IST1: variants seen among roughly 807,000 people sequenced by gnomAD.
IST1 encodes IST1 factor associated with ESCRT-III.
Under a neutral mutation model 37.0 loss-of-function variants are expected in IST1, and 23 were observed. The observed-to-expected ratio is 0.62, with a 90% CI of 0.45 to 0.88. The LOEUF (loss-of-function observed/expected upper bound fraction) is 0.88, where lower values mean the gene tolerates loss of function less well. Among genes scored for constraint, IST1 ranks in the 40% least tolerant of loss-of-function variants. The probability of loss-of-function intolerance (pLI) is 0.00; values close to 1 mark genes in which losing one functional copy is unlikely to be tolerated. For missense variants in IST1, 488 were observed against 445.4 expected, an observed-to-expected ratio of 1.10 and a Z score of -0.86; for synonymous variants, 180 against 161.7, an observed-to-expected ratio of 1.11 and a Z score of -0.86.
intron 1 of IST1, among the ~76,000 whole-genome samples, chr16:71,914,543 A>T (rs972931579): frequency 1.3e-5 from 2 of 152,172 alleles, no homozygotes; most frequent in African/African-American, 4.8e-5. Flanking sequence ...TATTGCATGG[A>T]TTGAACATAA....
rs937193766 is a variant in IST1 at position 71,930,628 on chromosome 16, G to A, written c.*2815G>A. On this transcript the variant is annotated 3_prime_UTR_variant, in exon 10 of 10. Coordinates refer to ENST00000378799, the MANE Select transcript of IST1 (RefSeq NM_001270975.2). ...GCATTCCAATAAAAGTTAACAGGTT[G>A]GCCACAGAAAACTGGCTTTTTAGTA... 1 of 152,310 alleles carries A rather than the reference G, an allele frequency of 6.6e-6. No individual in the cohort carries two copies. The highest frequency in any genetic ancestry group is 1.5e-5 in the Non-Finnish European group (1 of 68,374). The allele number at this position is 152,310 out of a possible 1,614,324, so 9.4% of individuals were successfully genotyped here.
chr16:71,930,205 T>G lies in IST1; in HGVS notation c.*2392T>G, dbSNP rs761441538. The G allele has an allele frequency of 2.1e-5, 32 of 1,525,026 alleles. No homozygotes were observed. The South Asian group carries it at 3.9e-4, about 19-fold the overall frequency. 94.5% of individuals were successfully genotyped at this position (1,525,026 alleles called of 1,614,324 possible). Reference sequence around the variant, plus strand: ...AAACCTGGGAAAACAATAAGAACACTTGCAGTGACTGACAATTTAGTTTAT... The same window carrying G: ...AAACCTGGGAAAACAATAAGAACACGTGCAGTGACTGACAATTTAGTTTAT... On this transcript the variant is annotated 3_prime_UTR_variant, in exon 10 of 10. Transcript: ENST00000378799.
At chr16:71,921,248 A>T (rs934316045) in intron 5 of IST1, 95 bp from the exon 6 acceptor site, 5 of 757,298 alleles carry the variant, frequency 6.6e-6, no homozygotes, top group Non-Finnish European at 1.2e-5. Context: ...CCTCAATATT[A>T]CCTGTAAAAT....
In IST1 at chr16:71,927,635, C is replaced by T; in HGVS notation, c.923C>T (p.Ala308Val). ...QIVGPGPKPE[A>V]SAKLPSRPAD... ...TTAGGTCCTGGACCCAAGCCAGAAG[C>T]CTCTGCAAAGCTTCCTTCCAGACCT... Residue 308 changes from alanine to valine, a missense_variant, in exon 10 of 10, where the codon GCC (alanine) becomes GTC (valine). Ala to Val is a moderately conservative substitution (Grantham distance 64). This residue lies in a region of IST1 where 455 missense variants were observed against 386.2 expected (regional missense o/e 1.18). Transcript: ENST00000378799. 1 of 1,613,840 alleles carries T rather than the reference C, an allele frequency of 6.2e-7. No homozygotes were observed. Among genetic ancestry groups the T allele is most frequent in the Non-Finnish European group, 8.5e-7 (1 of 1,179,766 alleles).
intron 1 of IST1, 31 bp from the exon 2 acceptor site, chr16:71,915,595 A>G: frequency 6.6e-7 from 1 of 1,505,502 alleles, no homozygotes; most frequent in Non-Finnish European, 9.1e-7. Flanking sequence ...TGTTGACTTG[A>G]AAATAGTCAT....
rs1316420318 is a variant in IST1 at position 71,898,410 on chromosome 16, A to G, written c.-16+2821A>G. On this transcript the variant is annotated intron_variant, in intron 1 of 9. Coordinates refer to ENST00000378799, the MANE Select transcript of IST1 (RefSeq NM_001270975.2). Reference sequence around the variant, plus strand: ...AAAAGAAACTCTCTTGGTGCGGGGCACTGTGGCTCATGCCTGTAATCCCAG... The same window carrying G: ...AAAAGAAACTCTCTTGGTGCGGGGCGCTGTGGCTCATGCCTGTAATCCCAG... 2.0e-5 allele frequency among the ~76,000 whole-genome samples: 3 copies of G among 148,960 alleles called. No homozygotes were observed. In the East Asian group the frequency reaches 6.0e-4, roughly 30 times the overall value.
intron 4 of IST1, among the ~76,000 whole-genome samples, chr16:71,918,652 G>T (rs758108277): frequency 6.6e-6 from 1 of 152,052 alleles, no homozygotes; most frequent in Non-Finnish European, 1.5e-5. Context: ...TCCTGACCTC[G>T]TGATCCGCCT....
chr16:71,909,760 T>G (rs1016966116), intron 1 of IST1, among the ~76,000 whole-genome samples: 1 of 152,218 alleles, frequency 6.6e-6, no homozygotes, highest in East Asian at 1.9e-4. Flanking sequence ...ACGCCTTAGG[T>G]TATCCTTCTC....
At chr16:71,926,703 A>T (rs895781368) in intron 9 of IST1, among the ~76,000 whole-genome samples, 1 of 152,168 alleles carries the variant, frequency 6.6e-6, no homozygotes, top group East Asian at 1.9e-4. Context: ...AAGGTATACA[A>T]CATTACTCTT....
upstream of IST1, chr16:71,894,735 T>A: frequency 1.7e-6 from 1 of 601,904 alleles, no homozygotes; most frequent in South Asian, 2.1e-5. Flanking sequence ...GCGGTTTCAC[T>A]ATGGTGTCCA....
intron 4 of IST1, among the ~76,000 whole-genome samples, chr16:71,918,441 G>T (rs2037512057): frequency 6.9e-6 from 1 of 145,722 alleles, no homozygotes. Flanking sequence ...TTTTGAGATG[G>T]AGTCTTGCAG....
rs1420651052 is a variant in IST1, at chr16:71,924,790, A to G, written c.874A>G (p.Lys292Glu). ...TCAGGTAGATGACATTAATGCTGAT[A>G]AGAATATCTCTTCTGCACAGATTGT... ...YESVDDINAD[K>E]NISSAQIVGP... The change falls in exon 9 of 10, where the codon AAG becomes GAG. Residue 292 changes from lysine (K) to glutamate (E), a missense_variant. Lys to Glu is a moderately conservative substitution (Grantham distance 56). Around this residue, in one of 2 missense-constraint regions of IST1, gnomAD observed 455 missense variants for 386.2 expected, o/e 1.18. Transcript: ENST00000378799. The G allele has an allele frequency of 1.2e-6, 2 of 1,610,400 alleles. No individual in the cohort carries two copies. Among genetic ancestry groups the G allele is most frequent in the Non-Finnish European group, 1.7e-6 (2 of 1,176,554 alleles).
intron 1 of IST1, chr16:71,903,477 A>G (rs1459344522): frequency 6.6e-6 from 1 of 152,146 alleles, no homozygotes; most frequent in African/African-American, 2.4e-5. Context: ...AAATGTTAAG[A>G]GATTTTCTGT....
intron 1 of IST1, among the ~76,000 whole-genome samples, chr16:71,911,652 T>C (rs920785855): frequency 7.2e-5 from 11 of 152,142 alleles, no homozygotes; most frequent in Admixed American, 6.5e-4. Context: ...TCATTGTATG[T>C]TCCCCTCTGT....
chr16:71,912,472 C>T lies in IST1; in HGVS notation c.-15-3154C>T, dbSNP rs563074368. On this transcript the variant is annotated intron_variant, in intron 1 of 9. Coordinates refer to ENST00000378799, the MANE Select transcript of IST1 (RefSeq NM_001270975.2). ...CAGGATGGTCTCGATCTCCTGACTT[C>T]GTGATCTGCCCACCTCGGCCTCCCA... Among the ~76,000 whole-genome samples, 15 of 152,100 alleles carry T rather than the reference C, an allele frequency of 9.9e-5. 1 individual carries two copies. Among genetic ancestry groups the T allele is most frequent in the South Asian group, 2.1e-4 (1 of 4,818 alleles).
intron 8 of IST1, 43 bp from the exon 9 acceptor site, chr16:71,924,726 G>T: frequency 6.8e-7 from 1 of 1,468,872 alleles, no homozygotes; most frequent in South Asian, 1.1e-5. Flanking sequence ...TTTCTCCAGT[G>T]ACACTATTGC....
rs1287548034 is a variant in IST1 at position 71,929,330 on chromosome 16, G to A, written c.*1517G>A. The A allele has an allele frequency of 2.2e-6, 1 of 454,362 alleles. No individual in the cohort carries two copies. The highest frequency in any genetic ancestry group is 3.8e-6 in the Non-Finnish European group (1 of 264,414). 28.1% of individuals were successfully genotyped at this position (454,362 alleles called of 1,614,324 possible). A position where few individuals can be genotyped will look rare whatever the true frequency, so the allele number is the denominator to read the frequency against. On this transcript the variant is annotated 3_prime_UTR_variant, in exon 10 of 10. Coordinates refer to ENST00000378799, the MANE Select transcript of IST1 (RefSeq NM_001270975.2). The stretch of plus-strand genomic sequence containing the variant: ...TGGTGAGTTCTGTTACTTGCTGCTT[G>A]GCAGCAGAGCTAGTTTGTCTCGTAG...
In IST1 at chr16:71,930,054, T is replaced by C. The variant is rs768176469; in HGVS notation, c.*2241T>C. The stretch of plus-strand genomic sequence containing the variant: ...TAGTTTATCTTTTAGTTACCTACCT[T>C]AAGCGACTTTCTTTCTTTTCCAAAG... On this transcript the variant is annotated 3_prime_UTR_variant, in exon 10 of 10. Transcript: ENST00000378799. 10 of 1,548,782 alleles carry C rather than the reference T, an allele frequency of 6.5e-6. No homozygotes were observed. In the South Asian group the frequency reaches 1.1e-4, roughly 17 times the overall value.
chr16:71,923,949 T>C (rs757529149), intron 8 of IST1: 7 of 346,582 alleles, frequency 2.0e-5, no homozygotes, highest in Non-Finnish European at 1.7e-5. Context: ...TCAGTTACTG[T>C]AGGCCTTTTG....
Sources: allele counts gnomAD v4.1 joint callset (sites outside exome capture counted in the v4.1 genomes callset), GRCh38; gene constraint gnomAD v4.1.1; regional missense constraint gnomAD v4.1.1; transcripts MANE v1.5; gene names NCBI Gene and HGNC (gene_info 2026-07-23, HGNC 2026-07-21).